Variants in ANLN observed in about 807,000 individuals in gnomAD.
ANLN encodes the protein anillin, actin binding protein.
Under a neutral mutation model 135.1 loss-of-function variants are expected in ANLN, and 59 were observed. The observed-to-expected ratio is 0.44, with a 90% confidence interval of 0.35 to 0.54. The LOEUF (loss-of-function observed/expected upper bound fraction) is 0.54, where lower values mean the gene tolerates loss of function less well. Ranked by LOEUF, ANLN falls within the 20% of genes least tolerant of loss-of-function variation. The pLI is 0.00. For synonymous variants in ANLN, 406 were observed against 456.4 expected (o/e 0.89, Z 1.41); for missense variants, 1,182 against 1,340.0 (o/e 0.88, Z 1.84).
intron 7 of ANLN, among the ~76,000 whole-genome samples, chr7:36,413,807 A>G (rs1481691954): frequency 2.0e-5 from 3 of 152,096 alleles, no homozygotes; most frequent in Non-Finnish European, 4.4e-5. Context: ...CCTGGCCAAC[A>G]TGGTGAAACC....
chr7:36,419,139 C>G, intron 9 of ANLN, 105 bp from the exon 10 acceptor site: 1 of 727,424 alleles, frequency 1.4e-6, no homozygotes, highest in Non-Finnish European at 2.1e-6. Context: ...TTTTTTAAGG[C>G]ATTTTTTCCT....
At chr7:36,438,068 C>G (rs1235788578) in intron 20 of ANLN, among the ~76,000 whole-genome samples, 2 of 152,176 alleles carry the variant, frequency 1.3e-5, no homozygotes, top group Non-Finnish European at 2.9e-5. Context: ...GGATTACAGG[C>G]GTGAGCCACC....
intron 21 of ANLN, among the ~76,000 whole-genome samples, chr7:36,439,575 A>G (rs1011511313): frequency 3.3e-5 from 5 of 152,250 alleles, no homozygotes; most frequent in Admixed American, 1.3e-4. Context: ...ATCGGTGTCA[A>G]TTGGTGGGAC....
chr7:36,397,826 G>A (rs12532947), intron 2 of ANLN, among the ~76,000 whole-genome samples: 13,474 of 152,120 alleles, frequency 0.089, 739 homozygotes, highest in Admixed American at 0.15. Context: ...TGGGAGGATC[G>A]CTTGAGCCCA....
chr7:36,428,200 G>A, intron 20 of ANLN: 1 of 431,500 alleles, frequency 2.3e-6, no homozygotes, highest in Non-Finnish European at 3.7e-6. Context: ...GTTTTAACAA[G>A]TTAATTTTAA....
intron 1 of ANLN, among the ~76,000 whole-genome samples, chr7:36,393,850 G>A (rs1271601536): frequency 6.6e-6 from 1 of 152,218 alleles, no homozygotes; most frequent in Non-Finnish European, 1.5e-5. Context: ...CTCAAGGTCA[G>A]TGCTTGTTCA....
intron 22 of ANLN, among the ~76,000 whole-genome samples, chr7:36,446,376 T>C (rs148023357): frequency 1.6e-3 from 242 of 152,320 alleles, no homozygotes; most frequent in African/African-American, 5.4e-3. Flanking sequence ...CCCACTGTGT[T>C]AGGCCATTCT....
intron 22 of ANLN, among the ~76,000 whole-genome samples, chr7:36,444,304 A>C (rs78747773): frequency 6.6e-6 from 1 of 151,510 alleles, no homozygotes; most frequent in Non-Finnish European, 1.5e-5. Flanking sequence ...AAAAAAAAAA[A>C]ATGTTTTTGT....
chr7:36,434,061 CAT>C (rs963468011), intron 20 of ANLN, among the ~76,000 whole-genome samples: 139 of 152,198 alleles, frequency 9.1e-4, no homozygotes, highest in African/African-American at 3.1e-3. Flanking sequence ...TACTTTTTCA[CAT>C]GTCTTGTAAT....
chr7:36,405,271 G>A (rs1787140850), intron 3 of ANLN, among the ~76,000 whole-genome samples: 1 of 152,180 alleles, frequency 6.6e-6, no homozygotes, highest in South Asian at 2.1e-4. Context: ...TGTGTGCTCT[G>A]TGATATACAG....
chr7:36,415,878 C>A lies in ANLN; in HGVS notation c.1516C>A (p.Pro506Thr), dbSNP rs1456202516. 1.3e-6 allele frequency: 2 copies of A among 1,584,224 alleles called. No individual in the cohort carries two copies. Among genetic ancestry groups the A allele is most frequent in the Admixed American group, 1.9e-5 (1 of 52,098 alleles). ...ACCAGCCAAAAATTCTAGTACAGAA[C>A]CTAAAGGTCAGTGTTTCCAGATTGT... The part of the protein sequence containing the change: ...QIPAKNSSTE[P>T]KGFTECEMTK... Residue 506 changes from proline (P) to threonine (T), a missense_variant, in exon 8 of 24, where the codon CCT becomes ACT. By Grantham distance (38) the Pro-to-Thr change is conservative (BLOSUM62 -1). Transcript: ENST00000265748.
chr7:36,389,897 T>C lies in ANLN; in HGVS notation c.-130T>C. On this transcript the variant is annotated 5_prime_UTR_variant, in exon 1 of 24. Coordinates refer to ENST00000265748, the MANE Select transcript of ANLN (RefSeq NM_018685.5). ...CTGGAAGCCGAGAGGAGAGGACAGCTGGTTGTGGGAGAGTTCCCCCGCCTC... is the reference window on the plus strand; with the variant it reads ...CTGGAAGCCGAGAGGAGAGGACAGCCGGTTGTGGGAGAGTTCCCCCGCCTC... 10 of 1,536,968 alleles carry C rather than the reference T, an allele frequency of 6.5e-6. No individual in the cohort carries two copies. Among genetic ancestry groups the C allele is most frequent in the Non-Finnish European group, 9.0e-6 (10 of 1,116,454 alleles).
Position 36,427,006 on chromosome 7 carries a change from A to G in ANLN, c.2861A>G (p.Asn954Ser). The G allele has an allele frequency of 6.2e-7, 1 of 1,610,596 alleles. No homozygotes were observed. Among genetic ancestry groups the G allele is most frequent in the Admixed American group, 1.7e-5 (1 of 59,332 alleles). Residue 954 changes from asparagine (N) to serine (S), a missense_variant, in exon 20 of 24, where the codon AAT becomes AGT. Physicochemically the swap from Asn to Ser is conservative, Grantham distance 46. Coordinates refer to ENST00000265748, the MANE Select transcript of ANLN (RefSeq NM_018685.5). ...ACATTATCATTGTCTTCAGTAGGAA[A>G]TACTAAGTTTGTTCTGGACAAGGTA... ...SYTLSLSSVG[N>S]TKFVLDKVPF...
chr7:36,446,249 T>G (rs558343572), intron 22 of ANLN, among the ~76,000 whole-genome samples: 1 of 152,228 alleles, frequency 6.6e-6, no homozygotes, highest in Non-Finnish European at 1.5e-5. Context: ...AGATTTCTTT[T>G]ATACCTCTTT....
At chr7:36,424,469 A>G in intron 15 of ANLN, 76 bp from the exon 16 acceptor site, 1 of 1,178,132 alleles carries the variant, frequency 8.5e-7, no homozygotes. Flanking sequence ...GTCTTGTAAG[A>G]GTATTTGTAG....
intron 20 of ANLN, among the ~76,000 whole-genome samples, chr7:36,436,438 G>T (rs73106358): frequency 0.016 from 2,387 of 152,310 alleles, 24 homozygotes; most frequent in Admixed American, 0.025. Flanking sequence ...GTGTGTGCAT[G>T]ATTTGAGTAC....
chr7:36,435,862 G>C (rs1450002783), intron 20 of ANLN, among the ~76,000 whole-genome samples: 1 of 99,378 alleles, frequency 1.0e-5, no homozygotes, highest in Non-Finnish European at 1.8e-5. Context: ...GACAGAGCGA[G>C]ACTCCGTCTC....
At chr7:36,392,527 T>TTTTTTTTC in intron 1 of ANLN, among the ~76,000 whole-genome samples, 1 of 151,070 alleles carries the variant, frequency 6.6e-6, no homozygotes, top group African/African-American at 2.4e-5. Context: ...TTTTTTTTTT[T>TTTTTTTTC]TAATGCCTAC....
intron 3 of ANLN, among the ~76,000 whole-genome samples, chr7:36,405,755 AG>A (rs1787160141): frequency 6.6e-6 from 1 of 152,260 alleles, no homozygotes; most frequent in South Asian, 2.1e-4. Flanking sequence ...CCACATTTCA[AG>A]TGCTCATTAG....
Sources: allele counts gnomAD v4.1 joint callset (sites outside exome capture counted in the v4.1 genomes callset), GRCh38; gene constraint gnomAD v4.1.1; transcripts MANE v1.5; gene names NCBI Gene and HGNC (gene_info 2026-07-23, HGNC 2026-07-21).